The following ZC3H12B variants were observed in gnomAD, a reference collection of about 807,000 sequenced individuals.
The protein encoded by ZC3H12B is zinc finger CCCH-type containing 12B, also known as probable ribonuclease ZC3H12B.
A neutral mutation model predicts 43.9 loss-of-function variants in ZC3H12B; 7 were observed. The observed-to-expected ratio is 0.16, with a 90% CI of 0.09 to 0.30. ZC3H12B has a LOEUF of 0.30. Ranked by LOEUF, ZC3H12B falls within the 10% of genes least tolerant of loss-of-function variation. ZC3H12B has a pLI of 1.00. For synonymous variants in ZC3H12B, 222 were observed against 241.7 expected (o/e 0.92, Z 0.76); for missense variants, 475 against 670.2 (o/e 0.71, Z 3.22).
chrX:65,482,968 T>C (rs2068082303), intron 3 of ZC3H12B, among the ~76,000 whole-genome samples: 1 of 111,614 alleles, frequency 9.0e-6, no homozygotes, highest in Non-Finnish European at 1.9e-5. Context: ...GGTGTGGGAG[T>C]GGGAGGACAA....
At chrX:65,308,892 G>T in the ZC3H12B span, among the ~76,000 whole-genome samples, 172 of 111,724 alleles carry the variant, frequency 1.5e-3, no homozygotes, top group African/African-American at 5.3e-3. Flanking sequence ...ATGACTACTG[G>T]GTAAATAACA....
the ZC3H12B span, among the ~76,000 whole-genome samples, chrX:65,068,901 G>C: frequency 9.1e-6 from 1 of 109,598 alleles, no homozygotes; most frequent in Non-Finnish European, 1.9e-5. Flanking sequence ...TACTATTCTA[G>C]GTTAAAAGTT....
At chrX:65,122,131 G>T in the ZC3H12B span, among the ~76,000 whole-genome samples, 30 of 111,176 alleles carry the variant, frequency 2.7e-4, no homozygotes, top group African/African-American at 9.1e-4. Flanking sequence ...CTGTTGATTT[G>T]GGGTGGAGAG....
At chrX:65,421,179 G>A (rs768653958) in intron 3 of ZC3H12B, among the ~76,000 whole-genome samples, 1 of 112,629 alleles carries the variant, frequency 8.9e-6, no homozygotes, top group African/African-American at 3.2e-5. Flanking sequence ...TAAGACATTT[G>A]TGTGTCAGAC....
the ZC3H12B span, among the ~76,000 whole-genome samples, chrX:65,067,326 G>T: frequency 3.6e-5 from 4 of 112,161 alleles, no homozygotes; most frequent in Admixed American, 1.9e-4. Flanking sequence ...TGGGAAAAGT[G>T]TAGTATCTGG....
At chrX:65,412,908 C>T (rs1156805486) in intron 3 of ZC3H12B, among the ~76,000 whole-genome samples, 2 of 111,493 alleles carry the variant, frequency 1.8e-5, no homozygotes, top group African/African-American at 3.3e-5. Context: ...ATTCACATTT[C>T]CACCAGCAGT....
the ZC3H12B span, among the ~76,000 whole-genome samples, chrX:65,232,150 A>C: frequency 9.0e-6 from 1 of 110,988 alleles, no homozygotes. Flanking sequence ...CTGAGGCAGG[A>C]GAATGCTGTG....
At chrX:65,459,040 C>T (rs993151626) in intron 3 of ZC3H12B, among the ~76,000 whole-genome samples, 2 of 111,124 alleles carry the variant, frequency 1.8e-5, no homozygotes, top group Non-Finnish European at 3.8e-5. Flanking sequence ...ACCACTGATC[C>T]CACAGAAATA....
chrX:65,165,827 G>T, the ZC3H12B span, among the ~76,000 whole-genome samples: 3 of 111,792 alleles, frequency 2.7e-5, no homozygotes, highest in Non-Finnish European at 3.8e-5. Context: ...GGGATTGCTT[G>T]GTCAAATGGT....
the ZC3H12B span, among the ~76,000 whole-genome samples, chrX:65,174,205 AG>A: frequency 4.5e-5 from 5 of 111,952 alleles, no homozygotes; most frequent in African/African-American, 1.6e-4. Context: ...TCTCCCAGTC[AG>A]GGGGCACAGG....
At chrX:65,356,014 C>T in the ZC3H12B span, among the ~76,000 whole-genome samples, 1 of 111,944 alleles carries the variant, frequency 8.9e-6, no homozygotes, top group African/African-American at 3.2e-5. Context: ...AGCACACTAA[C>T]CGTATTTTAA....
the ZC3H12B span, among the ~76,000 whole-genome samples, chrX:65,139,193 T>C: frequency 8.2e-4 from 92 of 112,333 alleles, no homozygotes; most frequent in African/African-American, 2.9e-3. Flanking sequence ...TAGTCTTCTA[T>C]GTTATCTTCC....
chrX:65,276,741 G>A, the ZC3H12B span, among the ~76,000 whole-genome samples: 2 of 111,561 alleles, frequency 1.8e-5, no homozygotes, highest in Non-Finnish European at 3.8e-5. Context: ...TGGTAGAGCT[G>A]AACACAAAGG....
chrX:65,172,996 A>G, the ZC3H12B span, among the ~76,000 whole-genome samples: 1 of 112,054 alleles, frequency 8.9e-6, no homozygotes, highest in Admixed American at 9.5e-5. Flanking sequence ...ATAGCATTGA[A>G]TCTATAAATT....
At chrX:65,058,374 G>A in the ZC3H12B span, among the ~76,000 whole-genome samples, 1 of 112,234 alleles carries the variant, frequency 8.9e-6, no homozygotes, top group Admixed American at 9.5e-5. Context: ...ATCAGCAGCA[G>A]AGGCTATAAA....
the ZC3H12B span, among the ~76,000 whole-genome samples, chrX:65,152,406 A>T: frequency 8.9e-6 from 1 of 111,794 alleles, no homozygotes; most frequent in African/African-American, 3.2e-5. Flanking sequence ...AAATCAATGT[A>T]CAAAAATCAC....
intron 3 of ZC3H12B, among the ~76,000 whole-genome samples, chrX:65,462,048 G>C (rs2067757221): frequency 9.1e-6 from 1 of 109,472 alleles, no homozygotes; most frequent in South Asian, 3.9e-4. Context: ...AAATGATGTG[G>C]TTAATTATAA....
chrX:65,252,028 A>G, the ZC3H12B span, among the ~76,000 whole-genome samples: 475 of 111,950 alleles, frequency 4.2e-3, 2 homozygotes, highest in African/African-American at 0.015. Context: ...TTCAAAGGGA[A>G]TACTTCCAGT....
chrX:65,273,624 C>A, the ZC3H12B span, among the ~76,000 whole-genome samples: 2 of 111,435 alleles, frequency 1.8e-5, no homozygotes, highest in Non-Finnish European at 3.8e-5. Context: ...ATGAGATGAA[C>A]CCAAAGACAT....
Sources: gnomAD v4.1 joint callset for allele counts (sites outside exome capture counted in the v4.1 genomes callset) on GRCh38, gnomAD v4.1.1 for gene constraint, MANE v1.5 for transcripts, NCBI Gene and HGNC (gene_info 2026-07-23, HGNC 2026-07-21) for gene names.